The following EFHB variants were observed in gnomAD, a reference collection of about 807,000 sequenced individuals.
EFHB encodes the protein EF-hand domain family member B, also known as EF-hand domain-containing family member B.
A neutral mutation model predicts 87.2 loss-of-function variants in EFHB; 91 were observed. The observed-to-expected ratio is 1.04, with a 90% CI of 0.88 to 1.24. The LOEUF is 1.24. EFHB is among the 50% of genes most tolerant of loss of function. The probability of loss-of-function intolerance (pLI) is 0.00; values close to 1 mark genes in which losing one functional copy is unlikely to be tolerated. For missense variants in EFHB, 1,084 were observed against 998.8 expected (o/e 1.09, Z -1.15); for synonymous variants, 325 against 333.6 (o/e 0.97, Z 0.28).
intron 1 of EFHB, among the ~76,000 whole-genome samples, chr3:19,926,891 C>T (rs935193014): frequency 1.3e-5 from 2 of 151,884 alleles, no homozygotes; most frequent in Non-Finnish European, 2.9e-5. Context: ...AACTCCCAAC[C>T]TCAGGTGATC....
At chr3:19,917,809 A>G (rs1189195402) in intron 4 of EFHB, among the ~76,000 whole-genome samples, 1 of 152,234 alleles carries the variant, frequency 6.6e-6, no homozygotes, top group East Asian at 1.9e-4. Flanking sequence ...AATGGAGTGC[A>G]GTATACAGCA....
intron 1 of EFHB, chr3:19,940,867 G>T: frequency 2.8e-6 from 1 of 362,272 alleles, no homozygotes. Context: ...ACCTGAATAA[G>T]CACATCAGGC....
chr3:19,884,680 G>GT, intron 10 of EFHB, 65 bp from the exon 11 acceptor site: 4 of 1,480,330 alleles, frequency 2.7e-6, no homozygotes, highest in Non-Finnish European at 3.7e-6. Flanking sequence ...TTGCTGCTCT[G>GT]TAACAGGATA....
chr3:19,900,949 A>G (rs1694651169), intron 6 of EFHB, among the ~76,000 whole-genome samples: 1 of 152,096 alleles, frequency 6.6e-6, no homozygotes, highest in Non-Finnish European at 1.5e-5. Flanking sequence ...AATGTAGAAA[A>G]GTTATATGTA....
intron 6 of EFHB, among the ~76,000 whole-genome samples, chr3:19,902,199 T>A (rs554921106): frequency 1.5e-4 from 23 of 152,112 alleles, no homozygotes; most frequent in Non-Finnish European, 2.9e-4. Context: ...TGCCAGTGAA[T>A]TCATTCGTTC....
intron 1 of EFHB, among the ~76,000 whole-genome samples, chr3:19,923,137 C>A (rs986664827): frequency 6.6e-6 from 1 of 152,026 alleles, no homozygotes; most frequent in South Asian, 2.1e-4. Flanking sequence ...CATGGTGGCG[C>A]ATGCCTGTAG....
intron 1 of EFHB, among the ~76,000 whole-genome samples, chr3:19,931,897 A>G (rs181179250): frequency 6.6e-6 from 1 of 152,298 alleles, no homozygotes; most frequent in East Asian, 1.9e-4. Flanking sequence ...CCTCATGTCA[A>G]TGTTTCCCAA....
intron 6 of EFHB, among the ~76,000 whole-genome samples, chr3:19,905,165 T>C (rs1175687215): frequency 6.6e-6 from 1 of 152,182 alleles, no homozygotes; most frequent in East Asian, 1.9e-4. Flanking sequence ...CTGAGGTGGA[T>C]AGCTTGAGTC....
At chr3:19,939,396 T>G (rs1302949175) in intron 1 of EFHB, among the ~76,000 whole-genome samples, 1 of 126,310 alleles carries the variant, frequency 7.9e-6, no homozygotes, top group Non-Finnish European at 1.7e-5. Flanking sequence ...TTTTTTTTTT[T>G]TTTTGGGATG....
At chr3:19,897,452 T>C (rs1575005905) in intron 8 of EFHB, among the ~76,000 whole-genome samples, 1 of 152,202 alleles carries the variant, frequency 6.6e-6, no homozygotes, top group Non-Finnish European at 1.5e-5. Context: ...CTGCTCCAGA[T>C]GTGGCGGCTC....
chr3:19,921,383 T>G (rs1268534402), intron 1 of EFHB, among the ~76,000 whole-genome samples: 3 of 152,042 alleles, frequency 2.0e-5, no homozygotes, highest in Non-Finnish European at 4.4e-5. Context: ...GGCAGAAAAC[T>G]GAATTGCTTT....
chr3:19,893,526 A>G (rs1028043691), intron 9 of EFHB, among the ~76,000 whole-genome samples: 1 of 152,148 alleles, frequency 6.6e-6, no homozygotes, highest in Non-Finnish European at 1.5e-5. Context: ...AGACATCATG[A>G]TATTTTGTTT....
chr3:19,885,434 C>T (rs1694066632), intron 10 of EFHB, among the ~76,000 whole-genome samples: 1 of 152,158 alleles, frequency 6.6e-6, no homozygotes, highest in Non-Finnish European at 1.5e-5. Context: ...CCTGACAAGT[C>T]AGTGTACAAA....
chr3:19,937,990 A>G (rs1490569192), upstream of EFHB, among the ~76,000 whole-genome samples: 2 of 152,166 alleles, frequency 1.3e-5, no homozygotes, highest in Admixed American at 1.3e-4. Context: ...TTTGACCCAA[A>G]AAGACGGGGC....
chr3:19,925,102 C>T (rs1433219147), intron 1 of EFHB, among the ~76,000 whole-genome samples: 4 of 151,890 alleles, frequency 2.6e-5, no homozygotes, highest in African/African-American at 9.7e-5. Context: ...ATTAGCCGGG[C>T]ATGCTGGCCG....
At chr3:19,939,785 T>C (rs1050511439) in intron 1 of EFHB, among the ~76,000 whole-genome samples, 1 of 152,170 alleles carries the variant, frequency 6.6e-6, no homozygotes, top group Non-Finnish European at 1.5e-5. Context: ...TGTACTAAAC[T>C]AGATGCTCCT....
intron 1 of EFHB, among the ~76,000 whole-genome samples, chr3:19,932,056 T>C (rs1046266551): frequency 2.0e-5 from 3 of 152,178 alleles, no homozygotes; most frequent in Non-Finnish European, 4.4e-5. Context: ...CCCAAAGAGA[T>C]CATTATCAAC....
At chr3:19,916,710 T>G (rs1437144531) in intron 4 of EFHB, among the ~76,000 whole-genome samples, 2 of 152,126 alleles carry the variant, frequency 1.3e-5, no homozygotes, top group African/African-American at 4.8e-5. Flanking sequence ...AATAATTTTG[T>G]TTTTACTGTT....
Position 19,879,509 on chromosome 3 carries a change from C to T in EFHB, c.*122G>A. On this transcript the variant is annotated 3_prime_UTR_variant, in exon 13 of 13. Transcript: ENST00000295824. Reference sequence around the variant, plus strand: ...AAATCTAATTTATTAGCAACACATACAGGCATATGAGTCTTACCACTGTGA... The same window carrying T: ...AAATCTAATTTATTAGCAACACATATAGGCATATGAGTCTTACCACTGTGA... The T allele has an allele frequency of 2.0e-6, 2 of 1,017,444 alleles. No homozygotes were observed. The highest frequency in any genetic ancestry group is 2.4e-5 in the South Asian group (1 of 41,392). 63.0% of individuals were successfully genotyped at this position (1,017,444 alleles called of 1,614,324 possible). A position where few individuals can be genotyped will look rare whatever the true frequency, so the allele number is the denominator to read the frequency against.
Sources: allele counts gnomAD v4.1 joint callset (sites outside exome capture counted in the v4.1 genomes callset), GRCh38; gene constraint gnomAD v4.1.1; transcripts MANE v1.5; gene names NCBI Gene and HGNC (gene_info 2026-07-23, HGNC 2026-07-21).